CDC42SE2: variants seen among roughly 807,000 people sequenced by gnomAD.
CDC42SE2 encodes the protein CDC42 small effector 2.
CDC42SE2 carries 3 observed loss-of-function variants against 11.5 expected under a neutral mutation model. The observed-to-expected ratio is 0.26, with a 90% CI of 0.12 to 0.67. The LOEUF is 0.67. CDC42SE2 is among the 30% of genes least tolerant of loss of function. The pLI, the probability that CDC42SE2 is intolerant of heterozygous loss-of-function variation, is 0.80. For missense variants in CDC42SE2, 82 were observed against 106.8 expected (o/e 0.77, Z 1.02); for synonymous variants, 33 against 34.8 (o/e 0.95, Z 0.18).
At chr5:131,290,958 A>C (rs1757446270) in intron 1 of CDC42SE2, among the ~76,000 whole-genome samples, 1 of 152,176 alleles carries the variant, frequency 6.6e-6, no homozygotes. Flanking sequence ...CCAGAGTTCA[A>C]GATAAAAAAG....
chr5:131,309,950 G>C (rs1561579799), intron 1 of CDC42SE2, among the ~76,000 whole-genome samples: 1 of 151,922 alleles, frequency 6.6e-6, no homozygotes, highest in Non-Finnish European at 1.5e-5. Context: ...ATTTCCTTCA[G>C]TTCTGCTCTG....
At chr5:131,281,218 C>T (rs1166920166) in intron 1 of CDC42SE2, among the ~76,000 whole-genome samples, 1 of 152,192 alleles carries the variant, frequency 6.6e-6, no homozygotes, top group Non-Finnish European at 1.5e-5. Flanking sequence ...TGCTTGCTCA[C>T]AAGCTCCTCC....
At chr5:131,268,849 C>T (rs1449618563) in intron 1 of CDC42SE2, among the ~76,000 whole-genome samples, 1 of 141,714 alleles carries the variant, frequency 7.1e-6, no homozygotes, top group Non-Finnish European at 1.5e-5. Flanking sequence ...CTCCTGAGTT[C>T]AAGCAACTGT....
At chr5:131,366,926 G>A (rs761699984) in intron 3 of CDC42SE2, among the ~76,000 whole-genome samples, 28 of 152,006 alleles carry the variant, frequency 1.8e-4, no homozygotes, top group Non-Finnish European at 2.9e-4. Flanking sequence ...TACTCGGGAG[G>A]CTGAGGTAGG....
At chr5:131,347,639 A>C (rs185683310) in intron 2 of CDC42SE2, among the ~76,000 whole-genome samples, 1 of 152,220 alleles carries the variant, frequency 6.6e-6, no homozygotes, top group African/African-American at 2.4e-5. Flanking sequence ...ATCTTCCCCA[A>C]TTCATTTTAT....
intron 1 of CDC42SE2, among the ~76,000 whole-genome samples, chr5:131,272,641 T>C (rs962415366): frequency 6.6e-6 from 1 of 152,166 alleles, no homozygotes; most frequent in African/African-American, 2.4e-5. Flanking sequence ...CCATTTCTAC[T>C]GGATTATCCC....
intron 3 of CDC42SE2, among the ~76,000 whole-genome samples, chr5:131,375,610 A>T (rs1223479336): frequency 6.6e-6 from 1 of 152,188 alleles, no homozygotes; most frequent in African/African-American, 2.4e-5. Context: ...AAGCTCTAGA[A>T]GCCAGACAAG....
At chr5:131,329,798 G>C (rs1043677463) in intron 2 of CDC42SE2, among the ~76,000 whole-genome samples, 4 of 146,460 alleles carry the variant, frequency 2.7e-5, no homozygotes, top group African/African-American at 9.9e-5. Context: ...AGAATTGCTT[G>C]AACTCGGGAG....
rs144610325 is a variant in CDC42SE2 at position 131,358,799 on chromosome 5, G to A, written c.-285-410G>A. Among the ~76,000 whole-genome samples the A allele has an allele frequency of 3.2e-3, 484 of 152,264 alleles. 3 individuals carry two copies. The highest frequency in any genetic ancestry group is 0.011 in the African/African-American group (462 of 41,540). ...GATTATCTCCTTAGAATTCATTGCT[G>A]TGTCAATTACTGTCTGAGTTGTCTG... On this transcript the variant is annotated intron_variant, in intron 2 of 4. Coordinates refer to ENST00000505065, the MANE Select transcript of CDC42SE2 (RefSeq NM_001375635.1).
chr5:131,240,443 C>G, the CDC42SE2 span, among the ~76,000 whole-genome samples: 2 of 152,118 alleles, frequency 1.3e-5, no homozygotes, highest in African/African-American at 2.4e-5. Context: ...TAACTCTTAG[C>G]CTTCTGCTTT....
At chr5:131,234,341 A>C in the CDC42SE2 span, among the ~76,000 whole-genome samples, 2 of 152,098 alleles carry the variant, frequency 1.3e-5, no homozygotes, top group African/African-American at 4.8e-5. Context: ...AGATAAATAC[A>C]TAGATAGATA....
chr5:131,210,302 C>T, the CDC42SE2 span, among the ~76,000 whole-genome samples: 1 of 152,180 alleles, frequency 6.6e-6, no homozygotes, highest in African/African-American at 2.4e-5. Flanking sequence ...TTTAGTTCCA[C>T]CTTGCTTTTA....
chr5:131,340,508 C>T (rs556019022), intron 2 of CDC42SE2, among the ~76,000 whole-genome samples: 3 of 152,204 alleles, frequency 2.0e-5, no homozygotes, highest in African/African-American at 4.8e-5. Flanking sequence ...CTTTTAACAG[C>T]GTATCTGGGT....
intron 1 of CDC42SE2, among the ~76,000 whole-genome samples, chr5:131,312,929 C>A (rs10055329): frequency 1.3e-5 from 2 of 152,184 alleles, no homozygotes; most frequent in East Asian, 3.9e-4. Flanking sequence ...GATCTGTAGA[C>A]GGGAGCTGTT....
chr5:131,367,710 A>G (rs891231023), intron 3 of CDC42SE2, among the ~76,000 whole-genome samples: 3 of 152,104 alleles, frequency 2.0e-5, no homozygotes, highest in African/African-American at 2.4e-5. Flanking sequence ...CTTCCCTCTT[A>G]CGTTCTGAAT....
At chr5:131,347,946 A>G (rs893712951) in intron 2 of CDC42SE2, among the ~76,000 whole-genome samples, 6 of 152,192 alleles carry the variant, frequency 3.9e-5, no homozygotes, top group Non-Finnish European at 1.5e-5. Context: ...AAATTCAACA[A>G]CGCTTCATGC....
chr5:131,379,324 T>C (rs2149785270), intron 3 of CDC42SE2, among the ~76,000 whole-genome samples: 1 of 152,348 alleles, frequency 6.6e-6, no homozygotes, highest in Non-Finnish European at 1.5e-5. Context: ...GGACCTGGCC[T>C]TCATTTGCTT....
At chr5:131,299,222 G>T (rs1254731518) in intron 1 of CDC42SE2, among the ~76,000 whole-genome samples, 2 of 152,142 alleles carry the variant, frequency 1.3e-5, no homozygotes, top group Non-Finnish European at 2.9e-5. Context: ...GGGGTTTTAC[G>T]TCAGGAATAA....
intron 1 of CDC42SE2, among the ~76,000 whole-genome samples, chr5:131,279,622 G>A (rs535606417): frequency 5.3e-5 from 8 of 151,878 alleles, no homozygotes; most frequent in Admixed American, 2.0e-4. Context: ...GTGTTGTCTT[G>A]TTTTCTCAAG....
Sources: gnomAD v4.1 joint callset for allele counts (sites outside exome capture counted in the v4.1 genomes callset) on GRCh38, gnomAD v4.1.1 for gene constraint, MANE v1.5 for transcripts, NCBI Gene and HGNC (gene_info 2026-07-23, HGNC 2026-07-21) for gene names.